SNX29: variants seen among roughly 807,000 people sequenced by gnomAD.
SNX29 encodes sorting nexin 29, also known as sorting nexin-29.
In SNX29, 78 loss-of-function variants were observed where a neutral mutation model predicts 102.1. The observed-to-expected ratio is 0.76, with a 90% CI of 0.64 to 0.92. The LOEUF (loss-of-function observed/expected upper bound fraction) is 0.92, where lower values mean the gene tolerates loss of function less well. SNX29 is among the 40% of genes least tolerant of loss of function. The probability of loss-of-function intolerance (pLI) is 0.00; values close to 1 mark genes in which losing one functional copy is unlikely to be tolerated. For missense variants in SNX29, 1,280 were observed against 1,061.7 expected (o/e 1.21, Z -2.86); for synonymous variants, 580 against 414.5 (o/e 1.40, Z -4.85).
At chr16:12,068,957 T>G (rs1208947456) in intron 9 of SNX29, 100 bp from the exon 10 acceptor site, 1 of 1,103,490 alleles carries the variant, frequency 9.1e-7, no homozygotes, top group East Asian at 2.4e-5. Flanking sequence ...CTTAGTCAAG[T>G]GATGTAGCAG....
chr16:11,979,797 TG>T (rs1473280210), intron 1 of SNX29, among the ~76,000 whole-genome samples: 1 of 152,100 alleles, frequency 6.6e-6, no homozygotes, highest in Non-Finnish European at 1.5e-5. Flanking sequence ...TTGGCCAGGC[TG>T]GTCTCGAACT....
chr16:12,498,740 C>CAT (rs1338700209), intron 19 of SNX29, among the ~76,000 whole-genome samples: 6 of 152,218 alleles, frequency 3.9e-5, no homozygotes, highest in Non-Finnish European at 8.8e-5. Context: ...TAAGTCAGGT[C>CAT]ATAGGAGGCA....
At chr16:12,207,073 G>C (rs2077063038) in intron 14 of SNX29, among the ~76,000 whole-genome samples, 1 of 152,002 alleles carries the variant, frequency 6.6e-6, no homozygotes, top group Non-Finnish European at 1.5e-5. Context: ...ATTGAGTTAA[G>C]ACCTGGGAGG....
intron 15 of SNX29, among the ~76,000 whole-genome samples, chr16:12,322,960 G>A (rs1308397446): frequency 9.0e-6 from 1 of 110,546 alleles, no homozygotes; most frequent in African/African-American, 4.4e-5. Flanking sequence ...GAGTCACCGG[G>A]GACCACTGTC....
chr16:12,537,309 A>T (rs796211688), intron 20 of SNX29, among the ~76,000 whole-genome samples: 4 of 152,356 alleles, frequency 2.6e-5, no homozygotes, highest in African/African-American at 9.6e-5. Context: ...ATTTTAGTAT[A>T]GTGGCTAAGC....
At chr16:12,095,462 G>A (rs73517856) in intron 11 of SNX29, among the ~76,000 whole-genome samples, 3,509 of 152,228 alleles carry the variant, frequency 0.023, 130 homozygotes, top group African/African-American at 0.08. Context: ...CCTTTCAGTG[G>A]TGAGGTCGCG....
intron 14 of SNX29, among the ~76,000 whole-genome samples, chr16:12,203,669 A>T (rs1271558161): frequency 1.3e-5 from 2 of 152,234 alleles, no homozygotes; most frequent in East Asian, 3.8e-4. Flanking sequence ...TGATGTTTCC[A>T]CAACAGGGTT....
intron 14 of SNX29, among the ~76,000 whole-genome samples, chr16:12,260,410 T>G (rs2078698922): frequency 6.6e-6 from 1 of 152,244 alleles, no homozygotes; most frequent in Non-Finnish European, 1.5e-5. Context: ...CTGGTGCTCC[T>G]TGAGGACTTT....
intron 15 of SNX29, among the ~76,000 whole-genome samples, chr16:12,341,794 AG>A (rs2081617980): frequency 1.3e-5 from 2 of 152,214 alleles, no homozygotes; most frequent in Non-Finnish European, 2.9e-5. Context: ...CCTGTTGTGC[AG>A]AGGGGGCTGG....
intron 14 of SNX29, among the ~76,000 whole-genome samples, chr16:12,275,637 C>T (rs563665550): frequency 2.6e-5 from 4 of 151,430 alleles, no homozygotes; most frequent in African/African-American, 9.7e-5. Flanking sequence ...ATTTATCAGT[C>T]ATCTACCTGA....
At chr16:12,241,058 A>C (rs2078089444) in intron 14 of SNX29, among the ~76,000 whole-genome samples, 1 of 152,126 alleles carries the variant, frequency 6.6e-6, no homozygotes, top group Non-Finnish European at 1.5e-5. Flanking sequence ...TGTGGGAACA[A>C]GTTTCTGCTT....
chr16:12,430,427 G>A (rs2085263360), intron 18 of SNX29, among the ~76,000 whole-genome samples: 1 of 152,176 alleles, frequency 6.6e-6, no homozygotes, highest in Non-Finnish European at 1.5e-5. Context: ...GACCTGAGGG[G>A]CAGTGACCTT....
chr16:12,176,621 C>T (rs769676687), intron 13 of SNX29, among the ~76,000 whole-genome samples: 10 of 151,990 alleles, frequency 6.6e-5, no homozygotes, highest in Non-Finnish European at 8.8e-5. Flanking sequence ...TAAAGTCTAC[C>T]GGGGGATGTG....
intron 14 of SNX29, among the ~76,000 whole-genome samples, chr16:12,222,345 A>T (rs1199667405): frequency 6.6e-6 from 1 of 152,232 alleles, no homozygotes; most frequent in Non-Finnish European, 1.5e-5. Flanking sequence ...AATTGATGTC[A>T]GCCCATCCTC....
intron 20 of SNX29, chr16:12,527,164 T>A (rs1225851887): frequency 5.8e-6 from 3 of 521,380 alleles, no homozygotes; most frequent in South Asian, 4.7e-5. Context: ...TCTTCCTTTT[T>A]GAGCAGGATG....
chr16:12,572,593 G>T lies in SNX29; in HGVS notation c.*3964G>T, dbSNP rs1226417288. ...TCCAGCCATGTTCTCTGGGCTCCCA[G>T]TGAGCCCCCTCCCCTCCGGCTACCC... On this transcript the variant is annotated 3_prime_UTR_variant, in exon 21 of 21. Coordinates refer to ENST00000566228, the MANE Select transcript of SNX29 (RefSeq NM_032167.5). 16 of 1,064,118 alleles carry T rather than the reference G, an allele frequency of 1.5e-5. No homozygotes were observed. In the Admixed American group the frequency reaches 2.1e-4, roughly 14 times the overall value. 65.9% of individuals were successfully genotyped at this position (1,064,118 alleles called of 1,614,324 possible).
At chr16:12,120,508 C>A (rs1191706646) in intron 11 of SNX29, among the ~76,000 whole-genome samples, 1 of 152,216 alleles carries the variant, frequency 6.6e-6, no homozygotes, top group East Asian at 1.9e-4. Flanking sequence ...AGTTGAAGAT[C>A]AATGAGTCTC....
chr16:12,391,345 C>A (rs1041106109), intron 16 of SNX29, among the ~76,000 whole-genome samples: 1 of 152,218 alleles, frequency 6.6e-6, no homozygotes, highest in East Asian at 1.9e-4. Context: ...GTACTCTTCT[C>A]TGATCCCTTT....
intron 13 of SNX29, among the ~76,000 whole-genome samples, chr16:12,169,461 G>A (rs563817350): frequency 2.6e-4 from 40 of 152,324 alleles, no homozygotes; most frequent in African/African-American, 8.7e-4. Flanking sequence ...GAGGGCCTGG[G>A]CTGGGGATGG....
Sources: gnomAD v4.1 joint callset for allele counts (sites outside exome capture counted in the v4.1 genomes callset) on GRCh38, gnomAD v4.1.1 for gene constraint, MANE v1.5 for transcripts, NCBI Gene and HGNC (gene_info 2026-07-23, HGNC 2026-07-21) for gene names.